The following KIAA0825 variants were observed in gnomAD, a reference collection of about 807,000 sequenced individuals.
KIAA0825 encodes the protein KIAA0825.
In KIAA0825, 119 loss-of-function variants were observed where a neutral mutation model predicts 147.6. The observed-to-expected ratio is 0.81, with a 90% CI of 0.69 to 0.94. The LOEUF is 0.94. Ranked by LOEUF, KIAA0825 falls within the 40% of genes least tolerant of loss-of-function variation. The pLI, the probability that KIAA0825 is intolerant of heterozygous loss-of-function variation, is 0.00. For missense variants in KIAA0825, 1,381 were observed against 1,472.7 expected (o/e 0.94, Z 1.02); for synonymous variants, 470 against 518.1 (o/e 0.91, Z 1.26).
Position 94,320,103 on chromosome 5 carries a change from T to C in KIAA0825, c.3710+64265A>G, listed in dbSNP as rs190757531. On this transcript the variant is annotated intron_variant, in intron 20 of 20. Transcript: ENST00000682413. ...TCACACAAATATTTTCTTACAGATG[T>C]CTTCCCTGGTTTTCCCACTTTCAAA... Among the ~76,000 whole-genome samples, 25 of 152,080 alleles carry C rather than the reference T, an allele frequency of 1.6e-4. No homozygotes were observed. The South Asian group carries it at 2.3e-3, about 14-fold the overall frequency.
rs561864282 is a variant in KIAA0825, at chr5:94,266,086, A to G, written c.3711-111962T>C. Among the ~76,000 whole-genome samples, 11 of 152,334 alleles carry G rather than the reference A, an allele frequency of 7.2e-5. 1 individual carries two copies. The South Asian group carries it at 2.3e-3, about 32-fold the overall frequency. On this transcript the variant is annotated intron_variant, in intron 20 of 20. Coordinates refer to ENST00000682413, the MANE Select transcript of KIAA0825 (RefSeq NM_001145678.3). ...TTACATGAAAAAACAACTGACAGGT[A>G]TTTGGCAGATATTTTCCCTGAAATT...
chr5:94,258,036 A>T (rs575282956), intron 20 of KIAA0825, among the ~76,000 whole-genome samples: 1 of 152,190 alleles, frequency 6.6e-6, no homozygotes, highest in Non-Finnish European at 1.5e-5. Context: ...GAGCACGTGT[A>T]TGATGTTAAA....
intron 20 of KIAA0825, among the ~76,000 whole-genome samples, chr5:94,305,468 C>G (rs1309897494): frequency 6.6e-6 from 1 of 151,912 alleles, no homozygotes; most frequent in African/African-American, 2.4e-5. Context: ...AGTTTTACAG[C>G]CTATTCCCCA....
At chr5:94,338,017 C>G (rs1781983993) in intron 20 of KIAA0825, among the ~76,000 whole-genome samples, 1 of 151,910 alleles carries the variant, frequency 6.6e-6, no homozygotes, top group Non-Finnish European at 1.5e-5. Flanking sequence ...AAAATGAAAC[C>G]AGAAGTGGAA....
At chr5:94,581,273 T>C (rs531483197) in intron 2 of KIAA0825, among the ~76,000 whole-genome samples, 32 of 152,364 alleles carry the variant, frequency 2.1e-4, no homozygotes, top group African/African-American at 7.0e-4. Context: ...GTTTACATTT[T>C]TCTTAATCAA....
chr5:94,344,713 A>G (rs1030400674), intron 20 of KIAA0825, among the ~76,000 whole-genome samples: 8 of 152,226 alleles, frequency 5.3e-5, no homozygotes, highest in African/African-American at 1.9e-4. Flanking sequence ...CATACATACA[A>G]TGCAATATTG....
At chr5:94,528,842 T>A (rs1769920690) in intron 3 of KIAA0825, among the ~76,000 whole-genome samples, 1 of 151,864 alleles carries the variant, frequency 6.6e-6, no homozygotes, top group Admixed American at 6.6e-5. Flanking sequence ...CACAATTTAA[T>A]GAAGTCAGAA....
chr5:94,373,762 A>G (rs1331823064), intron 20 of KIAA0825, among the ~76,000 whole-genome samples: 1 of 152,216 alleles, frequency 6.6e-6, no homozygotes, highest in Non-Finnish European at 1.5e-5. Context: ...TTACTACATA[A>G]AATGAAGAAT....
At chr5:94,529,226 TCATATATATGTATATATA>T (rs1433049889) in intron 3 of KIAA0825, among the ~76,000 whole-genome samples, 11 of 130,544 alleles carry the variant, frequency 8.4e-5, no homozygotes, top group South Asian at 2.2e-4. Context: ...TATGTATGTA[TCATATATATGTATATATA>T]CATATATATG....
At chr5:94,540,952 T>C (rs1249963071) in intron 2 of KIAA0825, among the ~76,000 whole-genome samples, 1 of 152,228 alleles carries the variant, frequency 6.6e-6, no homozygotes, top group Non-Finnish European at 1.5e-5. Context: ...AGAAATGCTC[T>C]TGTATATAAA....
chr5:94,339,017 C>T (rs931670450), intron 20 of KIAA0825, among the ~76,000 whole-genome samples: 1 of 152,034 alleles, frequency 6.6e-6, no homozygotes, highest in African/African-American at 2.4e-5. Flanking sequence ...TATAATTTAA[C>T]ATATATTTGT....
intron 20 of KIAA0825, among the ~76,000 whole-genome samples, chr5:94,196,766 A>G (rs1423061443): frequency 1.3e-5 from 2 of 152,222 alleles, no homozygotes; most frequent in African/African-American, 4.8e-5. Context: ...AATGGCCTCC[A>G]GCTCCATCCA....
intron 20 of KIAA0825, among the ~76,000 whole-genome samples, chr5:94,285,944 C>A (rs950483414): frequency 3.3e-5 from 5 of 152,098 alleles, no homozygotes; most frequent in African/African-American, 4.8e-5. Context: ...TTTTCCAAAT[C>A]AAAAACTGCA....
At chr5:94,394,278 A>G (rs29921) in intron 17 of KIAA0825, among the ~76,000 whole-genome samples, 22,646 of 152,188 alleles carry the variant, frequency 0.15, 1,725 homozygotes, top group South Asian at 0.18. Flanking sequence ...ATAACTTTAA[A>G]ACTGCACTTT....
At chr5:94,157,450 T>C (rs368099831) in intron 20 of KIAA0825, among the ~76,000 whole-genome samples, 9 of 152,142 alleles carry the variant, frequency 5.9e-5, no homozygotes, top group African/African-American at 2.2e-4. Context: ...GCAAGCACAG[T>C]AGGGACTCTA....
At chr5:94,244,202 A>C (rs916729908) in intron 20 of KIAA0825, among the ~76,000 whole-genome samples, 4 of 152,204 alleles carry the variant, frequency 2.6e-5, no homozygotes, top group Non-Finnish European at 5.9e-5. Context: ...CCTTCTTCGT[A>C]AACTATATTT....
chr5:94,359,256 G>A (rs1335948302), intron 20 of KIAA0825, among the ~76,000 whole-genome samples: 1 of 152,072 alleles, frequency 6.6e-6, no homozygotes, highest in East Asian at 1.9e-4. Flanking sequence ...AGAGGCCTGG[G>A]CATTTTAAAA....
At chr5:94,348,478 T>C (rs528968203) in intron 20 of KIAA0825, among the ~76,000 whole-genome samples, 2 of 152,318 alleles carry the variant, frequency 1.3e-5, no homozygotes, top group South Asian at 2.1e-4. Flanking sequence ...TAGAAGGGAC[T>C]GGGGCCCTAT....
chr5:94,377,925 C>T (rs1399130820), intron 20 of KIAA0825, among the ~76,000 whole-genome samples: 1 of 152,148 alleles, frequency 6.6e-6, no homozygotes, highest in Admixed American at 6.6e-5. Flanking sequence ...ATTTAACAAA[C>T]ACAAACTCTG....
Sources: allele counts gnomAD v4.1 joint callset (sites outside exome capture counted in the v4.1 genomes callset), GRCh38; gene constraint gnomAD v4.1.1; transcripts MANE v1.5; gene names NCBI Gene and HGNC (gene_info 2026-07-23, HGNC 2026-07-21).